AMBRA1: variants seen among roughly 807,000 people sequenced by gnomAD.
The protein encoded by AMBRA1 is autophagy and beclin 1 regulator 1.
AMBRA1 carries 47 observed loss-of-function variants against 125.4 expected under a neutral mutation model. The ratio of observed to expected loss-of-function variants is 0.37; its 90% CI spans 0.30 to 0.48. AMBRA1 has a LOEUF of 0.48. Ranked by LOEUF, AMBRA1 falls within the 20% of genes least tolerant of loss-of-function variation. The pLI is 0.99. For missense variants in AMBRA1, 1,331 were observed against 1,693.4 expected (o/e 0.79, Z 3.76); for synonymous variants, 626 against 655.5 (o/e 0.95, Z 0.69).
At chr11:46,428,588 TCTTC>T (rs962025342) in intron 14 of AMBRA1, 62 of 1,146,010 alleles carry the variant, frequency 5.4e-5, no homozygotes, top group Admixed American at 5.0e-4. Context: ...TTCTTCTTCT[TCTTC>T]TTTTTTTTTT....
chr11:46,429,342 A>G (rs1947339053), intron 14 of AMBRA1, among the ~76,000 whole-genome samples: 1 of 152,268 alleles, frequency 6.6e-6, no homozygotes, highest in African/African-American at 2.4e-5. Context: ...GTGGCAGGAT[A>G]GCCCGGATGG....
At chr11:46,540,290 G>A (rs548142040) in intron 7 of AMBRA1, among the ~76,000 whole-genome samples, 21 of 152,328 alleles carry the variant, frequency 1.4e-4, no homozygotes, top group African/African-American at 4.3e-4. Context: ...TGGTTTCTTA[G>A]AGCAGTAACT....
At chr11:46,439,214 T>C (rs1011852450) in intron 12 of AMBRA1, among the ~76,000 whole-genome samples, 7 of 152,036 alleles carry the variant, frequency 4.6e-5, no homozygotes, top group Admixed American at 2.0e-4. Context: ...TTTGAGGTTA[T>C]AGTGAGATAT....
chr11:46,493,372 T>C (rs1352007225), intron 11 of AMBRA1, among the ~76,000 whole-genome samples: 1 of 151,792 alleles, frequency 6.6e-6, no homozygotes. Flanking sequence ...AAACAAATAA[T>C]TTAAAAGAAA....
chr11:46,427,518 C>G (rs911417645), intron 14 of AMBRA1, among the ~76,000 whole-genome samples: 2 of 152,214 alleles, frequency 1.3e-5, no homozygotes, highest in African/African-American at 4.8e-5. Context: ...CTTAACTTAG[C>G]GCGCAGAGTC....
intron 7 of AMBRA1, among the ~76,000 whole-genome samples, chr11:46,517,636 C>A (rs1951556680): frequency 6.7e-6 from 1 of 149,258 alleles, no homozygotes; most frequent in Non-Finnish European, 1.5e-5. Flanking sequence ...AGATCGAGAC[C>A]ATCCTGGCTA....
chr11:46,518,016 A>G, intron 7 of AMBRA1: 1 of 624,240 alleles, frequency 1.6e-6, no homozygotes, highest in South Asian at 7.2e-5. Context: ...GGTATATGGG[A>G]ATCCTCTATA....
At chr11:46,549,665 C>G (rs1329369715) in intron 1 of AMBRA1, among the ~76,000 whole-genome samples, 1 of 152,128 alleles carries the variant, frequency 6.6e-6, no homozygotes, top group Non-Finnish European at 1.5e-5. Context: ...CAAAAAATTT[C>G]ATTTATGGTT....
intron 13 of AMBRA1, among the ~76,000 whole-genome samples, chr11:46,434,115 CAAA>C (rs145761376): frequency 3.7e-5 from 2 of 53,556 alleles, no homozygotes; most frequent in African/African-American, 6.6e-5. Flanking sequence ...AACTCCGTCT[CAAA>C]AAAAAAAAAA....
chr11:46,461,429 A>T (rs1286010871), intron 11 of AMBRA1, among the ~76,000 whole-genome samples: 1 of 152,218 alleles, frequency 6.6e-6, no homozygotes, highest in Non-Finnish European at 1.5e-5. Context: ...TATTTTTAAA[A>T]TTTCTCACAA....
At chr11:46,447,565 T>G (rs1420234026) in intron 11 of AMBRA1, among the ~76,000 whole-genome samples, 1 of 151,778 alleles carries the variant, frequency 6.6e-6, no homozygotes, top group Non-Finnish European at 1.5e-5. Context: ...ACACAAAAAT[T>G]AGCCAGGTGT....
At chr11:46,545,919 G>A (rs778134969) in intron 4 of AMBRA1, 143 bp from the exon 5 acceptor site, 1 of 694,940 alleles carries the variant, frequency 1.4e-6, no homozygotes, top group Non-Finnish European at 2.4e-6. Flanking sequence ...AGATGTAGAA[G>A]ATCAGCGATC....
At chr11:46,412,149 T>C (rs1241836784) in intron 15 of AMBRA1, among the ~76,000 whole-genome samples, 1 of 152,220 alleles carries the variant, frequency 6.6e-6, no homozygotes, top group Non-Finnish European at 1.5e-5. Flanking sequence ...TTGGTATCTT[T>C]GGGGAATTGG....
intron 11 of AMBRA1, among the ~76,000 whole-genome samples, chr11:46,451,568 T>G (rs1009492813): frequency 6.6e-6 from 1 of 152,114 alleles, no homozygotes; most frequent in African/African-American, 2.4e-5. Context: ...ATGGGAATCA[T>G]TAGCAAATCT....
chr11:46,406,562 A>G (rs1322854142), intron 17 of AMBRA1, among the ~76,000 whole-genome samples: 1 of 151,870 alleles, frequency 6.6e-6, no homozygotes, highest in African/African-American at 2.4e-5. Flanking sequence ...CTATTTGCAC[A>G]TACATATATA....
chr11:46,443,035 TA>T (rs1227452357), intron 12 of AMBRA1, among the ~76,000 whole-genome samples: 1 of 152,176 alleles, frequency 6.6e-6, no homozygotes, highest in East Asian at 1.9e-4. Context: ...AACTCTCAAT[TA>T]AGCAATTCAG....
At chr11:46,496,475 C>G (rs894424036) in intron 9 of AMBRA1, among the ~76,000 whole-genome samples, 4 of 152,164 alleles carry the variant, frequency 2.6e-5, no homozygotes, top group African/African-American at 9.7e-5. Context: ...GAGAGCTGGC[C>G]TTCCCAGAAT....
At chr11:46,510,929 T>C (rs1000701614) in intron 8 of AMBRA1, among the ~76,000 whole-genome samples, 5 of 152,206 alleles carry the variant, frequency 3.3e-5, no homozygotes, top group African/African-American at 1.2e-4. Context: ...CAAGTGAACA[T>C]TTTAAATGTT....
chr11:46,456,522 G>T (rs978935253), intron 11 of AMBRA1, among the ~76,000 whole-genome samples: 1 of 152,198 alleles, frequency 6.6e-6, no homozygotes, highest in Non-Finnish European at 1.5e-5. Context: ...AGGGGTGAAG[G>T]TAGGGAAAAG....
Sources: allele counts gnomAD v4.1 joint callset (sites outside exome capture counted in the v4.1 genomes callset), GRCh38; gene constraint gnomAD v4.1.1; transcripts MANE v1.5; gene names NCBI Gene and HGNC (gene_info 2026-07-23, HGNC 2026-07-21).